PRUNE2: variants seen among roughly 807,000 people sequenced by gnomAD.
PRUNE2 encodes the protein protein prune homolog 2.
Under a neutral mutation model 252.0 loss-of-function variants are expected in PRUNE2, and 164 were observed. That is an observed-to-expected ratio of 0.65 (90% CI 0.57 to 0.74). The LOEUF (loss-of-function observed/expected upper bound fraction) is 0.74. Ranked by LOEUF, PRUNE2 falls within the 30% of genes least tolerant of loss-of-function variation. PRUNE2 has a pLI of 0.00. For missense variants in PRUNE2, 3,495 were observed against 3,711.0 expected (o/e 0.94, Z 1.51); for synonymous variants, 1,292 against 1,350.2 (o/e 0.96, Z 0.94).
intron 16 of PRUNE2, among the ~76,000 whole-genome samples, chr9:76,625,594 A>C (rs949758151): frequency 1.3e-5 from 2 of 152,250 alleles, no homozygotes; most frequent in Non-Finnish European, 2.9e-5. Context: ...TATGCAGTCA[A>C]ACCTCATTAT....
intron 4 of PRUNE2, among the ~76,000 whole-genome samples, chr9:76,835,376 GA>G (rs1403936679): frequency 6.6e-6 from 1 of 151,704 alleles, no homozygotes; most frequent in Non-Finnish European, 1.5e-5. Context: ...AAAGAGGGAG[GA>G]GGAAAATGGA....
chr9:76,874,301 T>C (rs1349963204), intron 1 of PRUNE2, among the ~76,000 whole-genome samples: 5 of 152,192 alleles, frequency 3.3e-5, no homozygotes, highest in Non-Finnish European at 7.3e-5. Flanking sequence ...ACAATAATAA[T>C]GATATCCTGT....
At chr9:76,900,692 T>C (rs1325366290) in intron 1 of PRUNE2, among the ~76,000 whole-genome samples, 3 of 152,142 alleles carry the variant, frequency 2.0e-5, no homozygotes, top group Non-Finnish European at 2.9e-5. Context: ...AATCAGTAAC[T>C]AACGTTGCAT....
intron 1 of PRUNE2, among the ~76,000 whole-genome samples, chr9:76,904,390 G>A (rs2063356488): frequency 6.6e-6 from 1 of 152,110 alleles, no homozygotes; most frequent in Non-Finnish European, 1.5e-5. Context: ...AGACCCCACA[G>A]TCTAAATGTT....
At chr9:76,690,183 A>G (rs1461698552) in intron 9 of PRUNE2, among the ~76,000 whole-genome samples, 1 of 152,208 alleles carries the variant, frequency 6.6e-6, no homozygotes, top group Non-Finnish European at 1.5e-5. Context: ...GTCCTTCTCT[A>G]CTTTTCCTTC....
Position 76,629,262 on chromosome 9 carries a change from CAT to C in PRUNE2, c.9077_9078del (p.Tyr3026CysfsTer3). On this transcript the variant is annotated frameshift_variant, in exon 16 of 19. Transcript: ENST00000376718. LOFTEE classifies it high-confidence loss of function. ...ISSKFSSKIK[Y>X]VNSLSELSGL... Reference sequence around the variant, plus strand: ...CCACTGAGTTCTGATAAGCTATTGACATATTTAATTTTACTGCTGAATTTTGA... The same window carrying C: ...CCACTGAGTTCTGATAAGCTATTGACATTTAATTTTACTGCTGAATTTTGA... 7 of 1,564,750 alleles carry C rather than the reference CAT, an allele frequency of 4.5e-6. No individual in the cohort carries two copies. Among genetic ancestry groups the C allele is most frequent in the Non-Finnish European group, 6.1e-6 (7 of 1,150,348 alleles).
Position 76,710,701 on chromosome 9 carries a change from T to G in PRUNE2, c.1573A>C (p.Ser525Arg). ...GGGAGCTGTCCTTCTGACAGGTCAC[T>G]GTTGGGGAAGAAGTCATCTGCTGGG... Reference protein sequence around the residue: ...YSPADDFFPNSDLSEGQLPAG... With the variant: ...YSPADDFFPNRDLSEGQLPAG... Residue 525 changes from serine to arginine, a missense_variant, in exon 8 of 19, where the codon AGT (serine) becomes CGT (arginine). Transcript: ENST00000376718. 4 of 1,612,768 alleles carry G rather than the reference T, an allele frequency of 2.5e-6. No individual in the cohort carries two copies. The highest frequency in any genetic ancestry group is 3.4e-6 in the Non-Finnish European group (4 of 1,179,370).
intron 9 of PRUNE2, among the ~76,000 whole-genome samples, chr9:76,687,377 G>A (rs1427515999): frequency 1.3e-5 from 2 of 152,182 alleles, no homozygotes; most frequent in African/African-American, 4.8e-5. Flanking sequence ...TAATTGTTAA[G>A]GGGTAACACT....
chr9:76,735,045 TG>T (rs2048957069), intron 6 of PRUNE2, among the ~76,000 whole-genome samples: 1 of 151,826 alleles, frequency 6.6e-6, no homozygotes, highest in Non-Finnish European at 1.5e-5. Flanking sequence ...TGGGGAGTCA[TG>T]GAGAGAGGAA....
chr9:76,831,410 G>A (rs973527157), intron 4 of PRUNE2, among the ~76,000 whole-genome samples: 3 of 152,018 alleles, frequency 2.0e-5, no homozygotes, highest in African/African-American at 7.2e-5. Context: ...ATGTGGGTAA[G>A]AATAAATTCA....
At chr9:76,886,708 G>T (rs1448457810) in intron 1 of PRUNE2, among the ~76,000 whole-genome samples, 1 of 152,142 alleles carries the variant, frequency 6.6e-6, no homozygotes. Flanking sequence ...TGAAGCGGGT[G>T]AACACACAAC....
chr9:76,800,833 C>A (rs2056502255), intron 6 of PRUNE2, among the ~76,000 whole-genome samples: 1 of 152,138 alleles, frequency 6.6e-6, no homozygotes, highest in Non-Finnish European at 1.5e-5. Context: ...GAAACAAACA[C>A]TGAATAACAT....
chr9:76,856,281 C>G (rs2060246307), intron 1 of PRUNE2, among the ~76,000 whole-genome samples: 1 of 152,176 alleles, frequency 6.6e-6, no homozygotes, highest in Non-Finnish European at 1.5e-5. Context: ...AGCGTCCACA[C>G]AAGTGAGCAC....
rs928167549 is a variant in PRUNE2, at chr9:76,702,043, C to T, written c.8276+1294G>A. Among the ~76,000 whole-genome samples, 21 of 150,378 alleles carry T rather than the reference C, an allele frequency of 1.4e-4. 1 individual carries two copies. Among genetic ancestry groups the T allele is most frequent in the South Asian group, 1.0e-3 (5 of 4,772 alleles). On this transcript the variant is annotated intron_variant, in intron 9 of 18. Transcript: ENST00000376718. ...TCCTTTACACTCCCAAGCTGAGTAG[C>T]AAAAATATATCTTTTCTCGCTTTTT...
At chr9:76,896,570 T>G (rs1270445262) in intron 1 of PRUNE2, among the ~76,000 whole-genome samples, 1 of 152,182 alleles carries the variant, frequency 6.6e-6, no homozygotes, top group Non-Finnish European at 1.5e-5. Context: ...CGCTTTCTTT[T>G]CTCCTATTTC....
chr9:76,658,141 C>T (rs992355972), intron 9 of PRUNE2, among the ~76,000 whole-genome samples: 1 of 152,136 alleles, frequency 6.6e-6, no homozygotes, highest in Non-Finnish European at 1.5e-5. Flanking sequence ...GGTGGGTCAC[C>T]TGATATTGGG....
chr9:76,673,773 C>T lies in PRUNE2; in HGVS notation c.8277-18271G>A, dbSNP rs773621078. On this transcript the variant is annotated intron_variant, in intron 9 of 18. Transcript: ENST00000376718. ...ATATACGCAAATCAATAAATGTAAT[C>T]CAGCATATAAACAGAACCAAAGACA... Among the ~76,000 whole-genome samples the T allele has an allele frequency of 6.5e-3, 978 of 150,084 alleles. 9 individuals are homozygous for T. Among genetic ancestry groups the T allele is most frequent in the Non-Finnish European group, 0.01 (686 of 67,106 alleles).
chr9:76,740,340 T>C (rs1322862473), intron 6 of PRUNE2: 2 of 151,520 alleles, frequency 1.3e-5, no homozygotes, highest in Non-Finnish European at 2.9e-5. Flanking sequence ...TCCCAGCTAC[T>C]TGGGAGGCTG....
intron 1 of PRUNE2, among the ~76,000 whole-genome samples, chr9:76,902,872 G>C (rs2063264269): frequency 6.6e-6 from 1 of 152,170 alleles, no homozygotes; most frequent in African/African-American, 2.4e-5. Context: ...ATTCTCAGGA[G>C]GGAGGGAAAG....
Sources: allele counts gnomAD v4.1 joint callset (sites outside exome capture counted in the v4.1 genomes callset), GRCh38; gene constraint gnomAD v4.1.1; transcripts MANE v1.5; gene names NCBI Gene and HGNC (gene_info 2026-07-23, HGNC 2026-07-21).